Variants in SNX13 observed in about 807,000 individuals in gnomAD.
SNX13 encodes sorting nexin-13.
A neutral mutation model predicts 133.6 loss-of-function variants in SNX13; 45 were observed. The ratio of observed to expected loss-of-function variants is 0.34; its 90% CI spans 0.27 to 0.43. SNX13 has a LOEUF of 0.43. Ranked by LOEUF, SNX13 falls within the 20% of genes least tolerant of loss-of-function variation. The pLI is 1.00. For missense variants in SNX13, 1,032 were observed against 1,145.1 expected, an observed-to-expected ratio of 0.90 and a Z score of 1.43; for synonymous variants, 414 against 373.9, an observed-to-expected ratio of 1.11 and a Z score of -1.24.
chr7:17,869,884 AC>A, intron 8 of SNX13, among the ~76,000 whole-genome samples: 1 of 151,852 alleles, frequency 6.6e-6, no homozygotes, highest in Non-Finnish European at 1.5e-5. Context: ...ACACAGACAC[AC>A]ACACACACAC....
intron 21 of SNX13, among the ~76,000 whole-genome samples, chr7:17,801,963 G>C (rs1373403222): frequency 6.6e-6 from 1 of 152,026 alleles, no homozygotes; most frequent in Non-Finnish European, 1.5e-5. Context: ...AAGCCAAAAA[G>C]TCATGCATCG....
intron 12 of SNX13, among the ~76,000 whole-genome samples, chr7:17,841,980 A>G (rs1029116062): frequency 6.6e-6 from 1 of 152,072 alleles, no homozygotes; most frequent in Non-Finnish European, 1.5e-5. Flanking sequence ...AAATACAAAG[A>G]AGAGTAAACA....
chr7:17,876,049 G>C (rs982316342), intron 5 of SNX13, among the ~76,000 whole-genome samples: 1 of 152,106 alleles, frequency 6.6e-6, no homozygotes, highest in Admixed American at 6.5e-5. Context: ...GTTTAAAATA[G>C]AAAAAGAAAT....
At chr7:17,874,601 A>C (rs2128354171) in intron 7 of SNX13, among the ~76,000 whole-genome samples, 1 of 152,338 alleles carries the variant, frequency 6.6e-6, no homozygotes. Context: ...GAAATAAATA[A>C]AAATATTTAA....
At chr7:17,909,066 A>G (rs1024644700) in intron 1 of SNX13, among the ~76,000 whole-genome samples, 1 of 152,160 alleles carries the variant, frequency 6.6e-6, no homozygotes, top group African/African-American at 2.4e-5. Flanking sequence ...ACATGAAGAG[A>G]CACTTTGCAA....
chr7:17,826,739 A>G (rs895680395), intron 16 of SNX13, among the ~76,000 whole-genome samples: 1 of 152,118 alleles, frequency 6.6e-6, no homozygotes, highest in African/African-American at 2.4e-5. Context: ...CTATTGACTG[A>G]CTCAAAATGA....
In SNX13 at chr7:17,868,544, G is replaced by A. The variant is rs1793679550; in HGVS notation, c.754-54C>T. 3.7e-6 allele frequency: 5 copies of A among 1,336,960 alleles called. No individual in the cohort carries two copies. The Middle Eastern group carries it at 5.5e-4, about 148-fold the overall frequency. The allele number at this position is 1,336,960 out of a possible 1,614,324, so 82.8% of individuals were successfully genotyped here. A position where few individuals can be genotyped will look rare whatever the true frequency, so the allele number is the denominator to read the frequency against. ...ATTTAATCTATTTCTGAAATCAACAGCATAATGTAAATATTCTAACACAAT... is the reference window on the plus strand; with the variant it reads ...ATTTAATCTATTTCTGAAATCAACAACATAATGTAAATATTCTAACACAAT... On this transcript the variant is annotated intron_variant, in intron 8 of 25. Transcript: ENST00000428135.
intron 15 of SNX13, chr7:17,832,013 C>T (rs1482290601): frequency 1.0e-6 from 1 of 983,630 alleles, no homozygotes; most frequent in African/African-American, 1.8e-5. Context: ...CAGTATAAAA[C>T]TCATCAATTA....
chr7:17,871,162 T>C lies in SNX13; in HGVS notation c.753+2366A>G, dbSNP rs536860191. On this transcript the variant is annotated intron_variant, in intron 8 of 25. Coordinates refer to ENST00000428135, the MANE Select transcript of SNX13 (RefSeq NM_015132.5). Reference sequence around the variant, plus strand: ...CTGGGATGACAGGCGCCTGCCACCATGCCCAGCTAATTTTTTGTATTTTTA... The same window carrying C: ...CTGGGATGACAGGCGCCTGCCACCACGCCCAGCTAATTTTTTGTATTTTTA... Among the ~76,000 whole-genome samples the C allele has an allele frequency of 1.8e-3, 274 of 152,108 alleles. 1 individual carries two copies. The highest frequency in any genetic ancestry group is 4.8e-3 in the South Asian group (23 of 4,820).
At chr7:17,886,779 T>C (rs1356947715) in intron 5 of SNX13, among the ~76,000 whole-genome samples, 1 of 152,136 alleles carries the variant, frequency 6.6e-6, no homozygotes, top group Non-Finnish European at 1.5e-5. Flanking sequence ...TAACATGTCC[T>C]TCCTCTCTAT....
At chr7:17,819,042 C>G (rs1269353048) in intron 18 of SNX13, among the ~76,000 whole-genome samples, 1 of 152,048 alleles carries the variant, frequency 6.6e-6, no homozygotes, top group Non-Finnish European at 1.5e-5. Flanking sequence ...TTGCTAGCAT[C>G]AAGAAAAGTA....
rs542792325 is a variant in SNX13, at chr7:17,791,816, G to A, written c.*2229C>T. On this transcript the variant is annotated 3_prime_UTR_variant, in exon 26 of 26. Transcript: ENST00000428135. ...AAAAAGTTATCTCTAATTTTAGCAT[G>A]ACCACAGCTCTTTCTGATGTAAAAG... The A allele has an allele frequency of 1.3e-5, 2 of 152,160 alleles. No individual in the cohort carries two copies. The highest frequency in any genetic ancestry group is 2.9e-5 in the Non-Finnish European group (2 of 67,944). The allele number at this position is 152,160 out of a possible 1,614,324, so 9.4% of individuals were successfully genotyped here. A position where few individuals can be genotyped will look rare whatever the true frequency, so the allele number is the denominator to read the frequency against.
chr7:17,814,319 T>C (rs1167102856), intron 20 of SNX13, among the ~76,000 whole-genome samples: 1 of 152,168 alleles, frequency 6.6e-6, no homozygotes, highest in East Asian at 1.9e-4. Context: ...ATTTCAAAGC[T>C]TGTGTTCTTA....
Position 17,921,178 on chromosome 7 carries a change from G to A in SNX13, c.12+19106C>T, listed in dbSNP as rs1001886254. Among the ~76,000 whole-genome samples, 38 of 152,132 alleles carry A rather than the reference G, an allele frequency of 2.5e-4. 1 individual carries two copies. Among genetic ancestry groups the A allele is most frequent in the Admixed American group, 6.5e-5 (1 of 15,276 alleles). Reference sequence around the variant, plus strand: ...CTTCCTATGAAATTCAGTCTATCAAGGTCTGGACTGACTCCTAAGAACTGT... The same window carrying A: ...CTTCCTATGAAATTCAGTCTATCAAAGTCTGGACTGACTCCTAAGAACTGT... On this transcript the variant is annotated intron_variant, in intron 1 of 25. Transcript: ENST00000428135.
intron 1 of SNX13, among the ~76,000 whole-genome samples, chr7:17,922,091 T>C (rs933471847): frequency 1.1e-4 from 17 of 152,218 alleles, no homozygotes; most frequent in African/African-American, 4.1e-4. Flanking sequence ...ATTCCAACCA[T>C]TCTCTAGCAA....
intron 21 of SNX13, 104 bp from the exon 22 acceptor site, chr7:17,801,763 T>G: frequency 1.2e-6 from 1 of 831,316 alleles, no homozygotes; most frequent in South Asian, 2.0e-5. Flanking sequence ...GATCTGACTT[T>G]TGGTACAATA....
At position 17,793,053 on chromosome 7, in the gene SNX13, T is replaced by C. The variant is rs1213549419; in HGVS notation, c.*992A>G. 6.6e-6 allele frequency: 1 copy of C among 152,286 alleles called. No homozygotes were observed. The highest frequency in any genetic ancestry group is 1.5e-5 in the Non-Finnish European group (1 of 67,848). 9.4% of individuals were successfully genotyped at this position (152,286 alleles called of 1,614,324 possible). On this transcript the variant is annotated 3_prime_UTR_variant, in exon 26 of 26. Transcript: ENST00000428135. ...GAATTAGGAATCTGTATGTTTACTA[T>C]GACTAATAAGCTCATTAATCATTTA...
intron 11 of SNX13, 122 bp downstream of exon 11, chr7:17,850,225 T>C: frequency 4.5e-6 from 2 of 443,754 alleles, no homozygotes; most frequent in Non-Finnish European, 7.5e-6. Context: ...AAACTCTTTT[T>C]AAAGTCCTCT....
At chr7:17,877,872 C>A (rs766206432) in intron 5 of SNX13, among the ~76,000 whole-genome samples, 1 of 151,922 alleles carries the variant, frequency 6.6e-6, no homozygotes, top group African/African-American at 2.4e-5. Context: ...CTTATTTCCA[C>A]TGACTTCATG....
Sources: allele counts gnomAD v4.1 joint callset (sites outside exome capture counted in the v4.1 genomes callset), GRCh38; gene constraint gnomAD v4.1.1; transcripts MANE v1.5; gene names NCBI Gene and HGNC (gene_info 2026-07-23, HGNC 2026-07-21).